The following SLC35F6 variants were observed in gnomAD, a reference collection of about 807,000 sequenced individuals.
SLC35F6 encodes the protein ANT2-binding protein.
A neutral mutation model predicts 29.4 loss-of-function variants in SLC35F6; 26 were observed. That is an observed-to-expected ratio of 0.89 (90% CI 0.65 to 1.23). The LOEUF is 1.23. SLC35F6 is among the 50% of genes most tolerant of loss of function. The pLI, the probability that SLC35F6 is intolerant of heterozygous loss-of-function variation, is 0.00. For synonymous variants in SLC35F6, 174 were observed against 206.6 expected (o/e 0.84, Z 1.35); for missense variants, 428 against 487.8 (o/e 0.88, Z 1.15).
chr2:26,768,320 C>T (rs1664131701), intron 1 of SLC35F6, among the ~76,000 whole-genome samples: 1 of 151,714 alleles, frequency 6.6e-6, no homozygotes, highest in South Asian at 2.1e-4. Context: ...TGATCCCTGC[C>T]GTACCTTCTT....
Position 26,778,165 on chromosome 2 carries a change from G to T in SLC35F6, c.770G>T (p.Gly257Val). The change falls in exon 6 of 6, where the codon GGC (glycine) becomes GTC (valine). Residue 257 changes from glycine to valine, a missense_variant. Coordinates refer to ENST00000344420, the MANE Select transcript of SLC35F6 (RefSeq NM_017877.4). The part of the protein sequence containing the change: ...EDALDAFCQV[G>V]QQPLIAVALL... ...GCATTGGACGCCTTCTGCCAGGTGGGCCAGCAGCCGCTCATTGCCGTGGCA... is the reference window on the plus strand; with the variant it reads ...GCATTGGACGCCTTCTGCCAGGTGGTCCAGCAGCCGCTCATTGCCGTGGCA... 1 of 1,614,158 alleles carries T rather than the reference G, an allele frequency of 6.2e-7. No homozygotes were observed. The highest frequency in any genetic ancestry group is 8.5e-7 in the Non-Finnish European group (1 of 1,180,038).
intron 1 of SLC35F6, among the ~76,000 whole-genome samples, chr2:26,772,200 C>T (rs970718849): frequency 6.6e-6 from 1 of 152,158 alleles, no homozygotes; most frequent in African/African-American, 2.4e-5. Flanking sequence ...CAAACCTAGA[C>T]CCTAACTGCG....
chr2:26,778,391 C>T lies in SLC35F6; in HGVS notation c.996C>T (p.Leu332=). Residue 332 remains leucine (L), a synonymous_variant, in exon 6 of 6, where the codon CTC becomes CTT. Coordinates refer to ENST00000344420, the MANE Select transcript of SLC35F6 (RefSeq NM_017877.4). ...TCATACTCCTTATAGGCACTGCCCT[C>T]TACAATGGGCTACACCGTCCGCTGC... ...GFLILLIGTA[L]YNGLHRPLLG... The T allele has an allele frequency of 6.2e-7, 1 of 1,614,150 alleles. No individual in the cohort carries two copies. The highest frequency in any genetic ancestry group is 8.5e-7 in the Non-Finnish European group (1 of 1,180,018).
At chr2:26,776,214 AC>A (rs1255605772) in intron 4 of SLC35F6, among the ~76,000 whole-genome samples, 157 bp from the exon 5 acceptor site, 3 of 152,166 alleles carry the variant, frequency 2.0e-5, no homozygotes, top group Non-Finnish European at 4.4e-5. Context: ...CCCCTCAGGA[AC>A]CAGGGAATCA....
In SLC35F6 at chr2:26,765,095, G is replaced by C. The variant is rs181646381; in HGVS notation, c.77+669G>C. 63 of 875,518 alleles carry C rather than the reference G, an allele frequency of 7.2e-5. No individual in the cohort carries two copies. In the African/African-American group the frequency reaches 1.0e-3, roughly 14 times the overall value. 54.2% of individuals were successfully genotyped at this position (875,518 alleles called of 1,614,324 possible). A position where few individuals can be genotyped will look rare whatever the true frequency, so the allele number is the denominator to read the frequency against. ...ACTCAATGACATGAGGAGTGGTTTG[G>C]TGCAGGAAAAACCACTCCAAGGCTG... On this transcript the variant is annotated intron_variant, in intron 1 of 5. Coordinates refer to ENST00000344420, the MANE Select transcript of SLC35F6 (RefSeq NM_017877.4).
chr2:26,770,488 C>T (rs910796929), intron 1 of SLC35F6, among the ~76,000 whole-genome samples: 6 of 152,004 alleles, frequency 3.9e-5, no homozygotes, highest in South Asian at 2.1e-4. Flanking sequence ...GAGATTGATA[C>T]GGGTGGATCA....
At chr2:26,777,771 C>G (rs990067655) in intron 5 of SLC35F6, among the ~76,000 whole-genome samples, 2 of 141,714 alleles carry the variant, frequency 1.4e-5, no homozygotes, top group African/African-American at 6.0e-5. Context: ...TGTCCATGAA[C>G]CTGTGCACAC....
In SLC35F6 at chr2:26,775,495, G is replaced by C; in HGVS notation, c.354G>C (p.Gln118His). The C allele has an allele frequency of 6.2e-7, 1 of 1,612,818 alleles. No individual in the cohort carries two copies. Among genetic ancestry groups the C allele is most frequent in the Non-Finnish European group, 8.5e-7 (1 of 1,179,988 alleles). ...ACATGACCAGTGCCTCCAGCTTCCAGATGCTGCGGGGTGCAGTGATCATAT... is the reference window on the plus strand; with the variant it reads ...ACATGACCAGTGCCTCCAGCTTCCACATGCTGCGGGGTGCAGTGATCATAT... ...ALNMTSASSFQMLRGAVIIFT... is the reference protein window; with the variant it reads ...ALNMTSASSFHMLRGAVIIFT... The change falls in exon 4 of 6, where the codon CAG becomes CAC. Residue 118 changes from glutamine (Q) to histidine (H), a missense_variant. Transcript: ENST00000344420. This position sits in a 1 kb window ranked among gnomAD's most constrained non-coding sequence, Gnocchi z 4.6.
At chr2:26,777,353 A>T (rs1478910178) in intron 5 of SLC35F6, among the ~76,000 whole-genome samples, 1 of 152,160 alleles carries the variant, frequency 6.6e-6, no homozygotes, top group Non-Finnish European at 1.5e-5. Flanking sequence ...TTGAGCAGGG[A>T]AGTAAGTATC....
chr2:26,772,179 A>G (rs1664209035), intron 1 of SLC35F6, among the ~76,000 whole-genome samples: 1 of 152,182 alleles, frequency 6.6e-6, no homozygotes, highest in African/African-American at 2.4e-5. Flanking sequence ...AAAGCTGGAC[A>G]GGGACTTTGT....
In SLC35F6 at chr2:26,780,717, C is replaced by T. The variant is rs1558295869; in HGVS notation, c.*2206C>T. ...TGGAAGCCTCATGTACTGTTGTCTT[C>T]TAGGTAACCACCCTGAAGAGAAGGG... On this transcript the variant is annotated 3_prime_UTR_variant, in exon 6 of 6. Transcript: ENST00000344420. 6.6e-6 allele frequency: 1 copy of T among 152,204 alleles called. No individual in the cohort carries two copies. The highest frequency in any genetic ancestry group is 2.4e-5 in the African/African-American group (1 of 41,406). 9.4% of individuals were successfully genotyped at this position (152,204 alleles called of 1,614,324 possible).
At chr2:26,769,029 A>T (rs1664143393) in intron 1 of SLC35F6, among the ~76,000 whole-genome samples, 1 of 152,044 alleles carries the variant, frequency 6.6e-6, no homozygotes, top group Non-Finnish European at 1.5e-5. Context: ...CACCCCAGAG[A>T]GTGGAGAAGC....
chr2:26,773,851 A>T (rs1003894746), intron 1 of SLC35F6, among the ~76,000 whole-genome samples: 7 of 152,072 alleles, frequency 4.6e-5, no homozygotes, highest in Non-Finnish European at 7.4e-5. Flanking sequence ...ACGTCAAGTG[A>T]TCCACCCACC....
intron 1 of SLC35F6, among the ~76,000 whole-genome samples, chr2:26,769,497 G>T (rs937555307): frequency 1.3e-5 from 2 of 152,228 alleles, no homozygotes; most frequent in African/African-American, 2.4e-5. Flanking sequence ...GGGAGGGGGC[G>T]CATGACTGCC....
Position 26,774,272 on chromosome 2 carries a change from CG to C in SLC35F6, c.100del (p.Glu34ArgfsTer47). On this transcript the variant is annotated frameshift_variant, in exon 2 of 6. Coordinates refer to ENST00000344420, the MANE Select transcript of SLC35F6 (RefSeq NM_017877.4). LOFTEE classifies it high-confidence loss of function. ...ACAGATGGGCGGACAATTTCATGGC[CG>C]AGGGCTGTGGAGGGAGCAAGGAGCA... ...SAKWADNFMA[E>X]GCGGSKEHSF... 1 of 1,614,094 alleles carries C rather than the reference CG, an allele frequency of 6.2e-7. No individual in the cohort carries two copies. The highest frequency in any genetic ancestry group is 8.5e-7 in the Non-Finnish European group (1 of 1,179,984).
chr2:26,766,860 C>T (rs1179431445), intron 1 of SLC35F6, among the ~76,000 whole-genome samples: 1 of 152,184 alleles, frequency 6.6e-6, no homozygotes, highest in East Asian at 1.9e-4. Context: ...AACTTAGCTA[C>T]TAAGTGGCAG....
In SLC35F6 at chr2:26,778,659, GAT is replaced by G; in HGVS notation, c.*150_*151del. ...CCCCAGGGCAGCTGCTGCCACAGAA[GAT>G]AACAACACCCAAGTCCTCTTTTTCT... On this transcript the variant is annotated 3_prime_UTR_variant, in exon 6 of 6. Transcript: ENST00000344420. The G allele has an allele frequency of 1.3e-6, 1 of 743,654 alleles. No homozygotes were observed. The highest frequency in any genetic ancestry group is 2.1e-6 in the Non-Finnish European group (1 of 470,886). 46.1% of individuals were successfully genotyped at this position (743,654 alleles called of 1,614,324 possible). A position where few individuals can be genotyped will look rare whatever the true frequency, so the allele number is the denominator to read the frequency against.
intron 1 of SLC35F6, among the ~76,000 whole-genome samples, chr2:26,771,019 C>T (rs935782544): frequency 3.9e-5 from 6 of 152,238 alleles, no homozygotes; most frequent in African/African-American, 1.4e-4. Context: ...TGTCAGCCTG[C>T]CCCAGGCCCT....
At chr2:26,778,019 T>G (rs746205640) in intron 5 of SLC35F6, 23 bp from the exon 6 acceptor site, 1 of 1,593,616 alleles carries the variant, frequency 6.3e-7, no homozygotes, top group East Asian at 2.2e-5. Context: ...GTGGAGAGTG[T>G]AACTGTTTCC....
Sources: allele counts gnomAD v4.1 joint callset (sites outside exome capture counted in the v4.1 genomes callset), GRCh38; gene constraint gnomAD v4.1.1; non-coding constraint Gnocchi (gnomAD v3.1); transcripts MANE v1.5; gene names NCBI Gene and HGNC (gene_info 2026-07-23, HGNC 2026-07-21).